DNAJC6: variants seen among roughly 807,000 people sequenced by gnomAD.
The protein encoded by DNAJC6 is DnaJ heat shock protein family (Hsp40) member C6.
A neutral mutation model predicts 110.0 loss-of-function variants in DNAJC6; 34 were observed. The ratio of observed to expected loss-of-function variants is 0.31; its 90% confidence interval spans 0.24 to 0.41. The LOEUF (loss-of-function observed/expected upper bound fraction) is 0.41, where lower values mean the gene tolerates loss of function less well. Among genes scored for constraint, DNAJC6 ranks in the 10% least tolerant of loss-of-function variants. The pLI is 1.00. For synonymous variants in DNAJC6, 406 were observed against 437.2 expected (o/e 0.93, Z 0.89); for missense variants, 1,031 against 1,207.8 (o/e 0.85, Z 2.17).
intron 1 of DNAJC6, among the ~76,000 whole-genome samples, chr1:65,266,223 A>G (rs1209058071): frequency 6.6e-6 from 1 of 151,990 alleles, no homozygotes; most frequent in Admixed American, 6.5e-5. Flanking sequence ...TTGTTATAGG[A>G]TTCCCACCTC....
intron 1 of DNAJC6, among the ~76,000 whole-genome samples, chr1:65,317,575 C>A (rs191330320): frequency 2.1e-4 from 32 of 152,230 alleles, no homozygotes; most frequent in African/African-American, 7.5e-4. Context: ...AATGTCACCA[C>A]CAAGGAAGCA....
chr1:65,273,669 T>C (rs187645241), intron 1 of DNAJC6, among the ~76,000 whole-genome samples: 24 of 152,330 alleles, frequency 1.6e-4, no homozygotes, highest in African/African-American at 5.8e-4. Flanking sequence ...CCTGCAAGTA[T>C]TGTTATATTT....
At chr1:65,272,443 T>C (rs1001623535) in intron 1 of DNAJC6, among the ~76,000 whole-genome samples, 6 of 152,246 alleles carry the variant, frequency 3.9e-5, no homozygotes, top group African/African-American at 1.2e-4. Context: ...GCTAATATTT[T>C]GTTGAGGATT....
intron 5 of DNAJC6, among the ~76,000 whole-genome samples, chr1:65,382,638 G>A (rs115668790): frequency 0.01 from 1,543 of 152,258 alleles, 25 homozygotes; most frequent in African/African-American, 0.035. Context: ...AAAAAATCTA[G>A]GGGTTTTAGT....
intron 4 of DNAJC6, among the ~76,000 whole-genome samples, chr1:65,366,782 T>C (rs1323137403): frequency 6.6e-6 from 1 of 152,168 alleles, no homozygotes; most frequent in Non-Finnish European, 1.5e-5. Flanking sequence ...TTTTCCCCTC[T>C]CAAGAACATC....
chr1:65,400,486 C>T (rs995473631), intron 14 of DNAJC6, among the ~76,000 whole-genome samples: 1 of 152,152 alleles, frequency 6.6e-6, no homozygotes, highest in Admixed American at 6.5e-5. Context: ...CCCTGCCCTA[C>T]CTCCAACCAC....
Position 65,385,776 on chromosome 1 carries a change from A to G in DNAJC6, c.865A>G (p.Thr289Ala). 6.2e-7 allele frequency: 1 copy of G among 1,613,964 alleles called. No individual in the cohort carries two copies. Among genetic ancestry groups the G allele is most frequent in the Non-Finnish European group, 8.5e-7 (1 of 1,179,900 alleles). ...CTACCGCCCTCACTTCAAGCCTCTC[A>G]CAATTAAGTCGATCACTGTCAGTCC... is the stretch of plus-strand genomic sequence containing the variant. ...KPYRPHFKPLTIKSITVSPIP... is the reference protein window; with the variant it reads ...KPYRPHFKPLAIKSITVSPIP... The change falls in exon 7 of 19, where the codon ACA becomes GCA. Residue 289 changes from threonine to alanine, a missense_variant. By Grantham distance (58) the Thr-to-Ala change is moderately conservative. Transcript: ENST00000371069.
intron 1 of DNAJC6, among the ~76,000 whole-genome samples, chr1:65,336,105 A>C (rs1027603863): frequency 2.0e-5 from 3 of 152,162 alleles, no homozygotes; most frequent in Admixed American, 6.5e-5. Context: ...TAATTTATTA[A>C]AGGAAAGAGG....
At chr1:65,380,257 G>T (rs1478152199) in intron 5 of DNAJC6, among the ~76,000 whole-genome samples, 1 of 152,082 alleles carries the variant, frequency 6.6e-6, no homozygotes, top group African/African-American at 2.4e-5. Context: ...GGCATAAAAG[G>T]CTTCAATAAG....
chr1:65,385,593 T>C, intron 6 of DNAJC6, 119 bp from the exon 7 acceptor site: 2 of 857,864 alleles, frequency 2.3e-6, no homozygotes, highest in Admixed American at 6.9e-5. Flanking sequence ...ATTTAAGAAA[T>C]TGATAGAATA....
intron 8 of DNAJC6, among the ~76,000 whole-genome samples, chr1:65,387,864 C>T (rs902907705): frequency 4.6e-5 from 7 of 152,134 alleles, no homozygotes; most frequent in Non-Finnish European, 1.0e-4. Context: ...TATGTCTCTG[C>T]CTTTAAGGGA....
chr1:65,360,099 A>ATT (rs1645583812), intron 1 of DNAJC6, among the ~76,000 whole-genome samples: 1 of 152,112 alleles, frequency 6.6e-6, no homozygotes, highest in African/African-American at 2.4e-5. Flanking sequence ...GTTGTGCCAT[A>ATT]TTTTGAAACC....
chr1:65,321,892 A>G (rs1645201004), intron 1 of DNAJC6, among the ~76,000 whole-genome samples: 1 of 152,204 alleles, frequency 6.6e-6, no homozygotes, highest in Non-Finnish European at 1.5e-5. Context: ...CTGGAGGGAT[A>G]GGACAGGAAA....
At chr1:65,269,092 G>A (rs1425057033) in intron 1 of DNAJC6, among the ~76,000 whole-genome samples, 4 of 152,028 alleles carry the variant, frequency 2.6e-5, no homozygotes, top group African/African-American at 9.7e-5. Flanking sequence ...TGTCATGACT[G>A]GGCGTGGTGG....
In DNAJC6 at chr1:65,365,827, A is replaced by C; in HGVS notation, c.345-58A>C. On this transcript the variant is annotated intron_variant, in intron 2 of 18. Transcript: ENST00000371069. ...TCATATGCGCAAGTGATTGAGAGAG[A>C]GAAATCTTGGCATATTTGGATCATT... 3.2e-6 allele frequency: 5 copies of C among 1,581,304 alleles called. No homozygotes were observed. The South Asian group carries it at 4.6e-5, about 14-fold the overall frequency.
At chr1:65,374,116 C>A (rs1645736215) in intron 4 of DNAJC6, among the ~76,000 whole-genome samples, 1 of 152,116 alleles carries the variant, frequency 6.6e-6, no homozygotes, top group South Asian at 2.1e-4. Context: ...TATCTGGGTT[C>A]TCTATTTTGT....
Position 65,414,496 on chromosome 1 carries a change from T to A in DNAJC6, c.*1471T>A, listed in dbSNP as rs932726827. On this transcript the variant is annotated 3_prime_UTR_variant, in exon 19 of 19. Transcript: ENST00000371069. ...AAAGTTGTTTTGAAAAGACAATCAT[T>A]TTTTGTTTTTGTTTTAACTTTCTTG... The A allele has an allele frequency of 6.6e-6, 1 of 152,650 alleles. No homozygotes were observed. Among genetic ancestry groups the A allele is most frequent in the African/African-American group, 2.4e-5 (1 of 41,462 alleles). 9.5% of individuals were successfully genotyped at this position (152,650 alleles called of 1,614,324 possible). A position where few individuals can be genotyped will look rare whatever the true frequency, so the allele number is the denominator to read the frequency against.
At chr1:65,335,698 G>A (rs1301673752) in intron 1 of DNAJC6, among the ~76,000 whole-genome samples, 2 of 152,154 alleles carry the variant, frequency 1.3e-5, no homozygotes, top group East Asian at 3.9e-4. Context: ...AAAGACGCAG[G>A]GAGAAAGGTA....
intron 1 of DNAJC6, among the ~76,000 whole-genome samples, chr1:65,280,566 C>T (rs896641503): frequency 2.6e-5 from 4 of 152,182 alleles, no homozygotes; most frequent in Non-Finnish European, 5.9e-5. Flanking sequence ...AAAAGGACTC[C>T]TCCCTCCATT....
Sources: gnomAD v4.1 joint callset for allele counts (sites outside exome capture counted in the v4.1 genomes callset) on GRCh38, gnomAD v4.1.1 for gene constraint, MANE v1.5 for transcripts, NCBI Gene and HGNC (gene_info 2026-07-23, HGNC 2026-07-21) for gene names.